LRCH1: variants seen among roughly 807,000 people sequenced by gnomAD.
LRCH1 encodes the protein leucine-rich repeat and calponin homology domain-containing protein 1.
In LRCH1, 23 loss-of-function variants were observed where a neutral mutation model predicts 94.9. That is an observed-to-expected ratio of 0.24 (90% CI 0.17 to 0.34). The LOEUF (loss-of-function observed/expected upper bound fraction) is 0.34, where lower values mean the gene tolerates loss of function less well. LRCH1 is among the 10% of genes least tolerant of loss of function. The pLI, the probability that LRCH1 is intolerant of heterozygous loss-of-function variation, is 1.00. For synonymous variants in LRCH1, 364 were observed against 354.9 expected, an observed-to-expected ratio of 1.03 and a Z score of -0.29; for missense variants, 790 against 945.9, an observed-to-expected ratio of 0.84 and a Z score of 2.16.
chr13:46,705,815 G>A (rs1394712808), intron 13 of LRCH1, among the ~76,000 whole-genome samples: 5 of 152,218 alleles, frequency 3.3e-5, no homozygotes, highest in African/African-American at 1.2e-4. Context: ...GTTCAGTAGA[G>A]TTACATGGAG....
intron 1 of LRCH1, among the ~76,000 whole-genome samples, chr13:46,647,686 G>A (rs747273391): frequency 3.3e-5 from 5 of 151,950 alleles, no homozygotes; most frequent in Non-Finnish European, 5.9e-5. Context: ...TTCTGAGATC[G>A]TAAACACAAC....
At chr13:46,574,818 TG>T (rs140351271) in intron 1 of LRCH1, among the ~76,000 whole-genome samples, 2,354 of 135,034 alleles carry the variant, frequency 0.017, 99 homozygotes, top group African/African-American at 0.061. Flanking sequence ...TATTTGTGTG[TG>T]GGGTTTTTTT....
intron 1 of LRCH1, among the ~76,000 whole-genome samples, chr13:46,579,587 T>C (rs1320347039): frequency 6.6e-6 from 1 of 152,142 alleles, no homozygotes; most frequent in African/African-American, 2.4e-5. Flanking sequence ...TCTTGGAGTT[T>C]AACACTCTCA....
intron 1 of LRCH1, among the ~76,000 whole-genome samples, chr13:46,598,108 C>A (rs1249316706): frequency 6.6e-6 from 1 of 152,102 alleles, no homozygotes; most frequent in South Asian, 2.1e-4. Context: ...TGATGAAACC[C>A]TGTCTCTACT....
chr13:46,702,927 C>T (rs776137215), intron 11 of LRCH1, among the ~76,000 whole-genome samples: 3 of 152,234 alleles, frequency 2.0e-5, no homozygotes, highest in East Asian at 1.9e-4. Flanking sequence ...ATGATGCAGG[C>T]GATGGCTTTG....
intron 1 of LRCH1, among the ~76,000 whole-genome samples, chr13:46,572,810 A>G (rs373669273): frequency 2.0e-5 from 3 of 152,126 alleles, no homozygotes; most frequent in South Asian, 4.2e-4. Flanking sequence ...GCAAATATTT[A>G]TTATCTAGTG....
chr13:46,746,319 G>A (rs998697085), downstream of LRCH1, among the ~76,000 whole-genome samples: 1 of 152,174 alleles, frequency 6.6e-6, no homozygotes. Context: ...TAGCCCAGAA[G>A]TTTTTCAAAG....
chr13:46,605,507 ACTCCTC>A (rs372999128), intron 1 of LRCH1, among the ~76,000 whole-genome samples: 45 of 146,888 alleles, frequency 3.1e-4, no homozygotes, highest in Middle Eastern at 3.5e-3. Context: ...AGATGAGGGC[ACTCCTC>A]CTCCTCCTCC....
chr13:46,718,747 A>G (rs1246579902), intron 16 of LRCH1, among the ~76,000 whole-genome samples: 1 of 152,240 alleles, frequency 6.6e-6, no homozygotes, highest in Non-Finnish European at 1.5e-5. Context: ...TTCAAAGCCA[A>G]GATACTGCTG....
intron 1 of LRCH1, among the ~76,000 whole-genome samples, chr13:46,614,590 C>T (rs1279725346): frequency 2.6e-5 from 4 of 152,140 alleles, no homozygotes; most frequent in Non-Finnish European, 5.9e-5. Context: ...GTGGTAAATA[C>T]TGTTTCCCAA....
chr13:46,594,698 T>G (rs778496070), intron 1 of LRCH1, among the ~76,000 whole-genome samples: 3 of 152,222 alleles, frequency 2.0e-5, no homozygotes, highest in Non-Finnish European at 4.4e-5. Context: ...TATGAGTTCA[T>G]AAGTAGGAAC....
chr13:46,640,287 C>T (rs2051142019), intron 1 of LRCH1, among the ~76,000 whole-genome samples: 1 of 152,186 alleles, frequency 6.6e-6, no homozygotes, highest in Admixed American at 6.5e-5. Context: ...AGGCACTGCT[C>T]TAAGGGCTTT....
intron 18 of LRCH1, among the ~76,000 whole-genome samples, chr13:46,730,269 A>G (rs959931960): frequency 1.3e-5 from 2 of 152,202 alleles, no homozygotes; most frequent in African/African-American, 4.8e-5. Flanking sequence ...TATAATGGAA[A>G]TGTTCTTGCA....
At position 46,743,721 on chromosome 13, in the gene LRCH1, G is replaced by A. The variant is rs1055644726; in HGVS notation, c.*1873G>A. Reference sequence around the variant, plus strand: ...CTGTGGTGGTTTTTCCCTTCTTTCTGGGGAGAAAATGGGAAAAAAAAAAAG... The same window carrying A: ...CTGTGGTGGTTTTTCCCTTCTTTCTAGGGAGAAAATGGGAAAAAAAAAAAG... On this transcript the variant is annotated 3_prime_UTR_variant, in exon 20 of 20. Transcript: ENST00000389797. 5.5e-6 allele frequency: 5 copies of A among 914,374 alleles called. No homozygotes were observed. In the African/African-American group the frequency reaches 1.2e-4, roughly 21 times the overall value. 56.6% of individuals were successfully genotyped at this position (914,374 alleles called of 1,614,324 possible).
chr13:46,590,796 C>T (rs2050490635), intron 1 of LRCH1, among the ~76,000 whole-genome samples: 1 of 152,206 alleles, frequency 6.6e-6, no homozygotes, highest in South Asian at 2.1e-4. Flanking sequence ...AATGGATTCA[C>T]CTTCTTTCTC....
At chr13:46,684,900 C>G (rs923433997) in intron 4 of LRCH1, among the ~76,000 whole-genome samples, 1 of 152,186 alleles carries the variant, frequency 6.6e-6, no homozygotes, top group African/African-American at 2.4e-5. Context: ...TTTGACATAA[C>G]GTAGCTGAGT....
chr13:46,691,106 G>A (rs1442860280), intron 7 of LRCH1, among the ~76,000 whole-genome samples: 3 of 152,342 alleles, frequency 2.0e-5, no homozygotes, highest in East Asian at 1.9e-4. Flanking sequence ...GACAGACTCT[G>A]AAAACCATAC....
intron 5 of LRCH1, 112 bp downstream of exon 5, chr13:46,686,153 C>A: frequency 9.1e-7 from 1 of 1,102,506 alleles, no homozygotes; most frequent in Non-Finnish European, 1.2e-6. Flanking sequence ...TAATCACTGG[C>A]AAGCGGCAGA....
intron 19 of LRCH1, among the ~76,000 whole-genome samples, chr13:46,736,717 T>C (rs534010027): frequency 6.6e-6 from 1 of 152,344 alleles, no homozygotes; most frequent in South Asian, 2.1e-4. Context: ...TCCCTCTAAT[T>C]TGCAAGCTTT....
Sources: gnomAD v4.1 joint callset for allele counts (sites outside exome capture counted in the v4.1 genomes callset) on GRCh38, gnomAD v4.1.1 for gene constraint, MANE v1.5 for transcripts, NCBI Gene and HGNC (gene_info 2026-07-23, HGNC 2026-07-21) for gene names.